SLC38A1: variants seen among roughly 807,000 people sequenced by gnomAD.
The protein encoded by SLC38A1 is solute carrier family 38 member 1.
SLC38A1 carries 18 observed loss-of-function variants against 60.3 expected under a neutral mutation model. The observed-to-expected ratio is 0.30, with a 90% CI of 0.21 to 0.44. The LOEUF is 0.44. Ranked by LOEUF, SLC38A1 falls within the 20% of genes least tolerant of loss-of-function variation. The pLI is 1.00. For missense variants in SLC38A1, 448 were observed against 587.2 expected (o/e 0.76, Z 2.45); for synonymous variants, 196 against 212.1 (o/e 0.92, Z 0.66).
chr12:46,214,558 G>C (rs1400119210), intron 5 of SLC38A1, among the ~76,000 whole-genome samples: 1 of 152,158 alleles, frequency 6.6e-6, no homozygotes, highest in East Asian at 1.9e-4. Flanking sequence ...CATTTAATGT[G>C]ATTGAAATGT....
In SLC38A1 at chr12:46,202,995, A is replaced by T; in HGVS notation, c.902+15T>A. The T allele has an allele frequency of 6.2e-7, 1 of 1,601,800 alleles. No homozygotes were observed. Among genetic ancestry groups the T allele is most frequent in the Non-Finnish European group, 8.5e-7 (1 of 1,170,660 alleles). Reference sequence around the variant, plus strand: ...TGTAAAACGATTAAGATAAAAAATTAAACAAATTTCTTACTCTTTAAGCTC... The same window carrying T: ...TGTAAAACGATTAAGATAAAAAATTTAACAAATTTCTTACTCTTTAAGCTC... On this transcript the variant is annotated intron_variant, in intron 12 of 16. Transcript: ENST00000398637.
At position 46,186,831 on chromosome 12, in the gene SLC38A1, TA is replaced by T. The variant is rs1280750039; in HGVS notation, c.*2138del. On this transcript the variant is annotated 3_prime_UTR_variant, in exon 17 of 17. Transcript: ENST00000398637. ...GAGGGTAAAATGAATTGCTATAAAG[TA>T]ACAAGGAAAATAGAAAGTAGCATAA... 6.6e-6 allele frequency: 1 copy of T among 152,154 alleles called. No individual in the cohort carries two copies. The highest frequency in any genetic ancestry group is 2.4e-5 in the African/African-American group (1 of 41,432). 9.4% of individuals were successfully genotyped at this position (152,154 alleles called of 1,614,324 possible).
rs367890226 is a variant in SLC38A1 at position 46,198,640 on chromosome 12, C to T, written c.1107G>A (p.Pro369=). Reference sequence around the variant, plus strand: ...CCTTACTCACCGTGAAAAATAACACCGGCACTGTGAGGATCACAGCAACAA... The same window carrying T: ...CCTTACTCACCGTGAAAAATAACACTGGCACTGTGAGGATCACAGCAACAA... ...AVIVAVILTV[P]VLFFTVRSSL... The change falls in exon 14 of 17, where the codon CCG becomes CCA. Residue 369 remains proline, a synonymous_variant. Transcript: ENST00000398637. The T allele has an allele frequency of 1.4e-5, 23 of 1,608,082 alleles. 1 individual carries two copies. The highest frequency in any genetic ancestry group is 5.1e-5 in the Admixed American group (3 of 59,082).
chr12:46,232,698 G>A (rs547128282), intron 3 of SLC38A1, among the ~76,000 whole-genome samples: 4 of 152,250 alleles, frequency 2.6e-5, no homozygotes, highest in African/African-American at 9.6e-5. Context: ...GTAGGGGATT[G>A]GTTCTAGGAT....
chr12:46,230,767 A>G (rs1274219670), intron 3 of SLC38A1, among the ~76,000 whole-genome samples: 2 of 152,236 alleles, frequency 1.3e-5, no homozygotes, highest in Admixed American at 6.5e-5. Context: ...AAATTATCCA[A>G]CAAATGATTT....
chr12:46,197,973 T>A lies in SLC38A1; in HGVS notation c.1210A>T (p.Ile404Phe), dbSNP rs753373106. The change falls in exon 15 of 17, where the codon ATC becomes TTC. Residue 404 changes from isoleucine to phenylalanine, a missense_variant. Transcript: ENST00000398637. Reference sequence around the variant, plus strand: ...GGTATGAAGATCACCAACAAGTTGATAACAACCAAGAGTATGCAGGTAACC... The same window carrying A: ...GGTATGAAGATCACCAACAAGTTGAAAACAACCAAGAGTATGCAGGTAACC... ...TVVTCILLVV[I>F]NLLVIFIPSM... 6.2e-7 allele frequency: 1 copy of A among 1,614,074 alleles called. No individual in the cohort carries two copies. Among genetic ancestry groups the A allele is most frequent in the Non-Finnish European group, 8.5e-7 (1 of 1,179,982 alleles).
chr12:46,250,144 C>G (rs1395647729), intron 1 of SLC38A1, among the ~76,000 whole-genome samples: 1 of 152,186 alleles, frequency 6.6e-6, no homozygotes, highest in Non-Finnish European at 1.5e-5. Flanking sequence ...CCACCACAAT[C>G]AAATTGACTT....
At position 46,184,111 on chromosome 12, in the gene SLC38A1, C is replaced by T. The variant is rs913399278; in HGVS notation, c.*4859G>A. On this transcript the variant is annotated 3_prime_UTR_variant, in exon 17 of 17. Transcript: ENST00000398637. Reference sequence around the variant, plus strand: ...TATACAGATGGGCCCAGTTTCATAGCCCTTCCTTAGATAAAAGCCTAAAGA... The same window carrying T: ...TATACAGATGGGCCCAGTTTCATAGTCCTTCCTTAGATAAAAGCCTAAAGA... The T allele has an allele frequency of 2.6e-5, 4 of 152,590 alleles. No homozygotes were observed. Among genetic ancestry groups the T allele is most frequent in the African/African-American group, 9.7e-5 (4 of 41,428 alleles). The allele number at this position is 152,590 out of a possible 1,614,324, so 9.5% of individuals were successfully genotyped here.
chr12:46,221,732 C>G (rs983317989), intron 5 of SLC38A1, among the ~76,000 whole-genome samples: 2 of 152,194 alleles, frequency 1.3e-5, no homozygotes, highest in Non-Finnish European at 2.9e-5. Flanking sequence ...TGGCATTAAT[C>G]CTGCCCTTGT....
Position 46,268,807 on chromosome 12 carries a change from A to G in SLC38A1, c.-490T>C, listed in dbSNP as rs927496250. 1 of 420,740 alleles carries G rather than the reference A, an allele frequency of 2.4e-6. No homozygotes were observed. The highest frequency in any genetic ancestry group is 4.9e-6 in the Non-Finnish European group (1 of 203,548). The allele number at this position is 420,740 out of a possible 1,614,324, so 26.1% of individuals were successfully genotyped here. On this transcript the variant is annotated 5_prime_UTR_variant, in exon 1 of 17. Coordinates refer to ENST00000398637, the MANE Select transcript of SLC38A1 (RefSeq NM_030674.4). This position sits in a 1 kb window ranked among gnomAD's most constrained non-coding sequence, Gnocchi z 4.4. ...TCCTCCTTTCCGGGCCGATTGCATC[A>G]GAATCTCCCCTCACCACCAACCCCC...
At chr12:46,196,972 T>A (rs2136952631) in intron 16 of SLC38A1, among the ~76,000 whole-genome samples, 1 of 152,352 alleles carries the variant, frequency 6.6e-6, no homozygotes, top group Non-Finnish European at 1.5e-5. Flanking sequence ...TTAAGCTAAC[T>A]CAGACATTTT....
chr12:46,204,784 G>A (rs1177495421), intron 9 of SLC38A1, among the ~76,000 whole-genome samples, 194 bp from the exon 10 acceptor site: 2 of 152,062 alleles, frequency 1.3e-5, no homozygotes, highest in Non-Finnish European at 2.9e-5. Context: ...ATTTGACAGT[G>A]CTACTTTATT....
chr12:46,219,821 G>A (rs1940580791), intron 5 of SLC38A1, among the ~76,000 whole-genome samples: 1 of 152,208 alleles, frequency 6.6e-6, no homozygotes, highest in African/African-American at 2.4e-5. Flanking sequence ...GTCTGTTGCA[G>A]GCTAAGAAAA....
rs183616481 is a variant in SLC38A1, at chr12:46,204,455, T to C, written c.706-38A>G. 1,665 of 1,592,920 alleles carry C rather than the reference T, an allele frequency of 1.0e-3. 1 individual carries two copies. Among genetic ancestry groups the C allele is most frequent in the Non-Finnish European group, 1.4e-3 (1,575 of 1,161,078 alleles). ...AGTATAGTAGAAGCAATATGGACTT[T>C]AGTAAAGCCAATGAATAATTATTAC... On this transcript the variant is annotated intron_variant, in intron 10 of 16. Coordinates refer to ENST00000398637, the MANE Select transcript of SLC38A1 (RefSeq NM_030674.4).
intron 5 of SLC38A1, among the ~76,000 whole-genome samples, chr12:46,213,240 T>C (rs912111702): frequency 6.6e-6 from 1 of 152,248 alleles, no homozygotes; most frequent in Non-Finnish European, 1.5e-5. Context: ...GAATTCATTT[T>C]TACGGCAACC....
chr12:46,251,881 C>G (rs1941854547), intron 1 of SLC38A1, among the ~76,000 whole-genome samples: 1 of 152,124 alleles, frequency 6.6e-6, no homozygotes, highest in Non-Finnish European at 1.5e-5. Context: ...TGCTTTTACA[C>G]TCTTGGTGGG....
intron 6 of SLC38A1, among the ~76,000 whole-genome samples, chr12:46,208,377 T>C (rs141776845): frequency 2.1e-3 from 325 of 152,356 alleles, no homozygotes; most frequent in African/African-American, 7.4e-3. Context: ...GGACAGGCTA[T>C]AATTAAACCT....
chr12:46,251,961 C>T (rs1941857830), intron 1 of SLC38A1, among the ~76,000 whole-genome samples: 1 of 152,038 alleles, frequency 6.6e-6, no homozygotes, highest in African/African-American at 2.4e-5. Flanking sequence ...CCAGAAATAC[C>T]ATTTGACCCA....
chr12:46,233,935 C>G (rs572894747), intron 3 of SLC38A1, among the ~76,000 whole-genome samples: 1 of 152,322 alleles, frequency 6.6e-6, no homozygotes, highest in South Asian at 2.1e-4. Flanking sequence ...AATCTTAGCT[C>G]CCCCTGCTCC....
Sources: allele counts gnomAD v4.1 joint callset (sites outside exome capture counted in the v4.1 genomes callset), GRCh38; gene constraint gnomAD v4.1.1; non-coding constraint Gnocchi (gnomAD v3.1); transcripts MANE v1.5; gene names NCBI Gene and HGNC (gene_info 2026-07-23, HGNC 2026-07-21).